The following IDE variants were observed in gnomAD, a reference collection of about 807,000 sequenced individuals.
The protein encoded by IDE is insulin degrading enzyme.
Under a neutral mutation model 133.2 loss-of-function variants are expected in IDE, and 58 were observed. That is an observed-to-expected ratio of 0.44 (90% CI 0.35 to 0.54). IDE has a LOEUF of 0.54. Ranked by LOEUF, IDE falls within the 20% of genes least tolerant of loss-of-function variation. The probability of loss-of-function intolerance (pLI) is 0.00; values close to 1 mark genes in which losing one functional copy is unlikely to be tolerated. For missense variants in IDE, 981 were observed against 1,234.0 expected, an observed-to-expected ratio of 0.79 and a Z score of 3.07; for synonymous variants, 396 against 421.3, an observed-to-expected ratio of 0.94 and a Z score of 0.73.
At chr10:92,456,455 C>T in intron 22 of IDE, 24 bp from the exon 23 acceptor site, 1 of 1,551,536 alleles carries the variant, frequency 6.4e-7, no homozygotes, top group Non-Finnish European at 8.9e-7. Context: ...AGAGCAGGGT[C>T]ACCCTTTTGC....
At chr10:92,480,007 T>C (rs1387939068) in intron 14 of IDE, among the ~76,000 whole-genome samples, 1 of 152,164 alleles carries the variant, frequency 6.6e-6, no homozygotes, top group Non-Finnish European at 1.5e-5. Context: ...ATTTCTATCA[T>C]ATAACAGCAG....
At chr10:92,510,846 T>TATGATATATATCACATATATATCACATAC (rs1473445577) in intron 5 of IDE, among the ~76,000 whole-genome samples, 55 of 148,490 alleles carry the variant, frequency 3.7e-4, no homozygotes, top group Admixed American at 4.7e-4. Context: ...ATATCACACA[T>TATGATATATATCACATATATATCACATAC]ATGATATATA....
intron 1 of IDE, among the ~76,000 whole-genome samples, chr10:92,560,912 C>T (rs1456522933): frequency 2.0e-5 from 3 of 152,192 alleles, no homozygotes; most frequent in African/African-American, 7.2e-5. Flanking sequence ...ACCACCTTCA[C>T]TCCATCCTCA....
At chr10:92,528,991 C>T (rs1420457905) in intron 4 of IDE, among the ~76,000 whole-genome samples, 1 of 152,000 alleles carries the variant, frequency 6.6e-6, no homozygotes, top group Admixed American at 6.6e-5. Flanking sequence ...GCAGGAGAAT[C>T]GCTTGAACCT....
intron 1 of IDE, among the ~76,000 whole-genome samples, chr10:92,560,934 G>A (rs527514505): frequency 1.3e-5 from 2 of 152,052 alleles, no homozygotes; most frequent in East Asian, 3.9e-4. Context: ...CTGGGTTCTA[G>A]ACAATAAGGC....
chr10:92,521,431 G>A lies in IDE; in HGVS notation c.662-6389C>T, dbSNP rs145791161. ...AAAAAATCTAGGCTATGAGAAGTTCGATAAAACAAACAACCTGATTATTCA... is the reference window on the plus strand; with the variant it reads ...AAAAAATCTAGGCTATGAGAAGTTCAATAAAACAAACAACCTGATTATTCA... On this transcript the variant is annotated intron_variant, in intron 4 of 24. Transcript: ENST00000265986. Among the ~76,000 whole-genome samples the A allele has an allele frequency of 2.6e-4, 39 of 151,960 alleles. 1 individual carries two copies. In the East Asian group the frequency reaches 7.1e-3, roughly 28 times the overall value.
rs529611982 is a variant in IDE, at chr10:92,467,316, T to C, written c.2321-1473A>G. On this transcript the variant is annotated intron_variant, in intron 19 of 24. Coordinates refer to ENST00000265986, the MANE Select transcript of IDE (RefSeq NM_004969.4). ...TCAAATTCCTGGCTTCAAGCAATCT[T>C]TTTACCTTGGCCTCCCAAAGTGCTG... is the stretch of plus-strand genomic sequence containing the variant. Among the ~76,000 whole-genome samples the C allele has an allele frequency of 8.6e-5, 13 of 151,980 alleles. No individual in the cohort carries two copies. In the South Asian group the frequency reaches 2.5e-3, roughly 29 times the overall value.
At chr10:92,561,979 T>C (rs1207056880) in intron 1 of IDE, among the ~76,000 whole-genome samples, 2 of 152,172 alleles carry the variant, frequency 1.3e-5, no homozygotes, top group African/African-American at 2.4e-5. Flanking sequence ...ACAAATATAA[T>C]GTTTACAAGG....
chr10:92,499,293 C>T (rs544719108), intron 11 of IDE, among the ~76,000 whole-genome samples: 4 of 151,442 alleles, frequency 2.6e-5, no homozygotes, highest in Admixed American at 6.6e-5. Flanking sequence ...AAGCGATTCT[C>T]CTGCCTCAGC....
At chr10:92,456,764 A>AG (rs1174211867) in intron 22 of IDE, among the ~76,000 whole-genome samples, 1 of 144,094 alleles carries the variant, frequency 6.9e-6, no homozygotes, top group Non-Finnish European at 1.5e-5. Context: ...GCCTGACACG[A>AG]GGAAGCAAGT....
intron 1 of IDE, among the ~76,000 whole-genome samples, chr10:92,552,843 G>GTA (rs1469528382): frequency 4.0e-5 from 2 of 49,768 alleles, no homozygotes; most frequent in Non-Finnish European, 6.7e-5. Context: ...GGGTGACAGA[G>GTA]TAAGACTCAG....
chr10:92,515,247 G>A (rs752826889), intron 4 of IDE, among the ~76,000 whole-genome samples: 9 of 151,204 alleles, frequency 6.0e-5, no homozygotes, highest in Non-Finnish European at 1.3e-4. Context: ...TCGTCTCTAC[G>A]GAATTAAAAG....
At chr10:92,510,008 C>A in intron 6 of IDE, 42 bp downstream of exon 6, 2 of 937,276 alleles carry the variant, frequency 2.1e-6, no homozygotes, top group South Asian at 2.8e-5. Flanking sequence ...TATATTATGT[C>A]CATAAATTAA....
intron 1 of IDE, chr10:92,572,809 C>T (rs1843848746): frequency 1.2e-6 from 1 of 847,192 alleles, no homozygotes; most frequent in Non-Finnish European, 1.4e-6. Flanking sequence ...CACGCCAGCC[C>T]TCACTCCAAC....
intron 12 of IDE, 57 bp downstream of exon 12, chr10:92,490,436 G>A (rs1027456297): frequency 1.3e-5 from 14 of 1,059,304 alleles, no homozygotes; most frequent in African/African-American, 3.1e-5. Context: ...GATCTAGGGA[G>A]CAATGTTCTT....
At position 92,455,198 on chromosome 10, in the gene IDE, G is replaced by A. The variant is rs192299222; in HGVS notation, c.2964+378C>T. ...CCCAATGAACAAGTTTCTTCTGGCCGGGCACAGTGTCTCGTGCCTGTAATC... is the reference window on the plus strand; with the variant it reads ...CCCAATGAACAAGTTTCTTCTGGCCAGGCACAGTGTCTCGTGCCTGTAATC... On this transcript the variant is annotated intron_variant, in intron 24 of 24. Transcript: ENST00000265986. Among the ~76,000 whole-genome samples, 548 of 152,248 alleles carry A rather than the reference G, an allele frequency of 3.6e-3. 2 individuals carry two copies. Among genetic ancestry groups the A allele is most frequent in the African/African-American group, 0.012 (494 of 41,554 alleles).
chr10:92,570,919 CT>C (rs1843750949), intron 1 of IDE, among the ~76,000 whole-genome samples: 1 of 151,602 alleles, frequency 6.6e-6, no homozygotes, highest in Non-Finnish European at 1.5e-5. Flanking sequence ...CTGTCTCGAA[CT>C]TTAAAAAAAA....
intron 12 of IDE, 133 bp from the exon 13 acceptor site, chr10:92,487,451 A>T: frequency 2.6e-6 from 2 of 773,072 alleles, no homozygotes; most frequent in South Asian, 3.9e-5. Context: ...CATATATAAA[A>T]GAGGTACTAC....
intron 11 of IDE, among the ~76,000 whole-genome samples, chr10:92,497,044 AACTGTCAG>A (rs1203878965): frequency 6.6e-6 from 1 of 152,260 alleles, no homozygotes; most frequent in East Asian, 1.9e-4. Context: ...TTCTACAGTT[AACTGTCAG>A]ACTGTCAGAC....
Sources: allele counts gnomAD v4.1 joint callset (sites outside exome capture counted in the v4.1 genomes callset), GRCh38; gene constraint gnomAD v4.1.1; transcripts MANE v1.5; gene names NCBI Gene and HGNC (gene_info 2026-07-23, HGNC 2026-07-21).